Variants in THRB observed in about 807,000 individuals in gnomAD.
The protein encoded by THRB is nuclear receptor subfamily 1 group A member 2.
A neutral mutation model predicts 47.8 loss-of-function variants in THRB; 12 were observed. That is an observed-to-expected ratio of 0.25 (90% CI 0.16 to 0.41). THRB has a LOEUF of 0.41. Ranked by LOEUF, THRB falls within the 10% of genes least tolerant of loss-of-function variation. THRB has a pLI of 1.00. For missense variants in THRB, 348 were observed against 589.2 expected (o/e 0.59, Z 4.24); for synonymous variants, 218 against 212.2 (o/e 1.03, Z -0.24).
chr3:24,140,806 G>C (rs1201584426), intron 8 of THRB, among the ~76,000 whole-genome samples: 1 of 152,196 alleles, frequency 6.6e-6, no homozygotes, highest in African/African-American at 2.4e-5. Context: ...TGTATACAGA[G>C]ATGAGAAATA....
intron 2 of THRB, among the ~76,000 whole-genome samples, chr3:24,328,352 A>T (rs1315126474): frequency 6.6e-6 from 1 of 152,212 alleles, no homozygotes; most frequent in Non-Finnish European, 1.5e-5. Context: ...ATATCTAGAT[A>T]TTATCCAAAC....
chr3:24,478,753 T>G (rs1695867677), intron 1 of THRB, among the ~76,000 whole-genome samples: 1 of 151,696 alleles, frequency 6.6e-6, no homozygotes, highest in South Asian at 2.1e-4. Context: ...TGGAAACATC[T>G]CCCCCTACCC....
chr3:24,140,806 G>A (rs1201584426), intron 8 of THRB, among the ~76,000 whole-genome samples: 1 of 152,196 alleles, frequency 6.6e-6, no homozygotes, highest in African/African-American at 2.4e-5. Flanking sequence ...TGTATACAGA[G>A]ATGAGAAATA....
At chr3:24,313,919 G>A (rs1240470102) in intron 2 of THRB, among the ~76,000 whole-genome samples, 1 of 152,136 alleles carries the variant, frequency 6.6e-6, no homozygotes, top group African/African-American at 2.4e-5. Flanking sequence ...CACAAAGCTA[G>A]AATGCTGTCT....
intron 8 of THRB, 104 bp from the exon 9 acceptor site, chr3:24,133,566 ACAGTTTCCAGTTTTCACAT>A (rs1164137033): frequency 1.9e-6 from 2 of 1,043,782 alleles, no homozygotes; most frequent in Non-Finnish European, 2.9e-6. Context: ...GATATCCTGT[ACAGTTTCCAGTTTTCACAT>A]CATTTGTTAA....
intron 3 of THRB, among the ~76,000 whole-genome samples, chr3:24,250,067 T>C (rs2050510334): frequency 6.6e-6 from 1 of 152,140 alleles, no homozygotes. Flanking sequence ...AAATAAGACA[T>C]GACTGTTGGT....
At chr3:24,485,417 G>T (rs796512346) in intron 1 of THRB, among the ~76,000 whole-genome samples, 10 of 152,262 alleles carry the variant, frequency 6.6e-5, no homozygotes, top group African/African-American at 1.9e-4. Context: ...AGACATCACA[G>T]CAATGTATAA....
chr3:24,245,665 C>T (rs554149458), intron 3 of THRB, among the ~76,000 whole-genome samples: 2 of 152,166 alleles, frequency 1.3e-5, no homozygotes, highest in Non-Finnish European at 2.9e-5. Context: ...GTAATCCCAG[C>T]ACTTTGGGAG....
intron 10 of THRB, among the ~76,000 whole-genome samples, chr3:24,124,538 G>A (rs182683840): frequency 1.3e-5 from 2 of 152,296 alleles, no homozygotes; most frequent in Non-Finnish European, 2.9e-5. Context: ...ATGACATAGC[G>A]AGTACAAATT....
intron 1 of THRB, among the ~76,000 whole-genome samples, chr3:24,467,386 G>A (rs758130712): frequency 2.6e-4 from 39 of 152,108 alleles, no homozygotes; most frequent in Non-Finnish European, 4.1e-4. Context: ...CAGGAATCAC[G>A]AATATCCTTA....
intron 1 of THRB, among the ~76,000 whole-genome samples, chr3:24,407,632 T>C (rs2067935882): frequency 6.6e-6 from 1 of 151,878 alleles, no homozygotes; most frequent in Admixed American, 6.6e-5. Context: ...CATATGAATC[T>C]AGACCCTCTT....
At chr3:24,373,010 A>G (rs2065028650) in intron 1 of THRB, among the ~76,000 whole-genome samples, 1 of 152,094 alleles carries the variant, frequency 6.6e-6, no homozygotes, top group South Asian at 2.1e-4. Context: ...GCCTAGCAAC[A>G]TAGAAAGAGA....
chr3:24,313,786 C>T (rs2057922457), intron 2 of THRB, among the ~76,000 whole-genome samples: 1 of 149,710 alleles, frequency 6.7e-6, no homozygotes, highest in East Asian at 1.9e-4. Flanking sequence ...GGTTCAAAGG[C>T]TTTTTTTAAA....
At chr3:24,227,231 C>T (rs2150068944) in intron 4 of THRB, among the ~76,000 whole-genome samples, 1 of 152,312 alleles carries the variant, frequency 6.6e-6, no homozygotes, top group South Asian at 2.1e-4. Context: ...TACTGTCCCT[C>T]CATTTTGCAG....
chr3:24,383,922 C>T (rs2065888713), intron 1 of THRB, among the ~76,000 whole-genome samples: 1 of 152,152 alleles, frequency 6.6e-6, no homozygotes, highest in Non-Finnish European at 1.5e-5. Flanking sequence ...GATGGAACTA[C>T]TAGCTCCTAC....
rs1195894535 is a variant in THRB, at chr3:24,281,983, A to T, written c.-43+15243T>A. ...AGAGTTAGACTCCCACACATTAATA[A>T]TGGGAGACTTTAACACCCCACCATC... On this transcript the variant is annotated intron_variant, in intron 3 of 10. Transcript: ENST00000646209. Among the ~76,000 whole-genome samples, 17 of 141,386 alleles carry T rather than the reference A, an allele frequency of 1.2e-4. 1 individual carries two copies. Among genetic ancestry groups the T allele is most frequent in the African/African-American group, 4.8e-4 (17 of 35,626 alleles). The allele number at this position is 141,386 out of a possible 152,430, so 92.8% of individuals were successfully genotyped here. A position where few individuals can be genotyped will look rare whatever the true frequency, so the allele number is the denominator to read the frequency against.
chr3:24,177,149 T>TA (rs969839652), intron 5 of THRB, among the ~76,000 whole-genome samples: 5 of 152,226 alleles, frequency 3.3e-5, no homozygotes, highest in Admixed American at 2.6e-4. Flanking sequence ...TAAAAATACC[T>TA]ATCAGCAAGC....
In THRB at chr3:24,231,709, G is replaced by C. The variant is rs1421521740; in HGVS notation, c.-42-2708C>G. On this transcript the variant is annotated intron_variant, in intron 3 of 10. Coordinates refer to ENST00000646209, the MANE Select transcript of THRB (RefSeq NM_001354712.2). Reference sequence around the variant, plus strand: ...CCCCCAGGGAAGGCAGGTGTCCCGGGGCCTCCTTTCCTGGTCTCCTGTCCT... The same window carrying C: ...CCCCCAGGGAAGGCAGGTGTCCCGGCGCCTCCTTTCCTGGTCTCCTGTCCT... Among the ~76,000 whole-genome samples, 5 of 152,174 alleles carry C rather than the reference G, an allele frequency of 3.3e-5. No individual in the cohort carries two copies. In the East Asian group the frequency reaches 7.7e-4, roughly 24 times the overall value.
chr3:24,282,620 C>T (rs1378168234), intron 3 of THRB, among the ~76,000 whole-genome samples: 1 of 135,292 alleles, frequency 7.4e-6, no homozygotes, highest in African/African-American at 3.3e-5. Context: ...ACACAAAAAC[C>T]CTTCAGAAAG....
Sources: allele counts gnomAD v4.1 joint callset (sites outside exome capture counted in the v4.1 genomes callset), GRCh38; gene constraint gnomAD v4.1.1; transcripts MANE v1.5; gene names NCBI Gene and HGNC (gene_info 2026-07-23, HGNC 2026-07-21).